Variants in ARX observed in about 807,000 individuals in gnomAD.
The protein encoded by ARX is aristaless related homeobox, also known as homeobox protein ARX.
In ARX, 1 loss-of-function variant was observed where a neutral mutation model predicts 23.1. The observed-to-expected ratio is 0.04, with a 90% CI of 0.02 to 0.21. The LOEUF (loss-of-function observed/expected upper bound fraction) is 0.21, where lower values mean the gene tolerates loss of function less well. ARX is among the 10% of genes least tolerant of loss of function. The pLI is 1.00. For synonymous variants in ARX, 301 were observed against 270.1 expected (o/e 1.11, Z -1.12); for missense variants, 380 against 527.5 (o/e 0.72, Z 2.74).
chrX:25,008,074 A>T (rs753896845), intron 3 of ARX, among the ~76,000 whole-genome samples: 1 of 112,937 alleles, frequency 8.9e-6, no homozygotes, highest in East Asian at 2.8e-4. Flanking sequence ...TTCCAGAAAC[A>T]TTTATTGAAC....
At chrX:25,012,586 C>T (rs1281626816) in intron 2 of ARX, among the ~76,000 whole-genome samples, 1 of 113,285 alleles carries the variant, frequency 8.8e-6, no homozygotes, top group Non-Finnish European at 1.9e-5. Flanking sequence ...CTCTGCTGTG[C>T]GCGCGTCTCC....
chrX:25,004,993 G>T, intron 4 of ARX, 83 bp from the exon 5 acceptor site: 1 of 1,048,773 alleles, frequency 9.5e-7, no homozygotes, highest in Non-Finnish European at 1.2e-6. Flanking sequence ...GCTTGTCGCC[G>T]GGGCAGCTGA....
chrX:25,015,673 G>T lies in ARX; in HGVS notation c.65C>A (p.Thr22Asn). 1 of 1,208,266 alleles carries T rather than the reference G, an allele frequency of 8.3e-7. No homozygotes were observed. Among genetic ancestry groups the T allele is most frequent in the Non-Finnish European group, 1.1e-6 (1 of 893,518 alleles). Reference protein sequence around the residue: ...ERPECKSKSPTLLSSYCIDSI... With the variant: ...ERPECKSKSPNLLSSYCIDSI... The stretch of plus-strand genomic sequence containing the variant: ...GTCGATGCAGTAGGAGGAGAGCAAA[G>T]TTGGAGATTTACTTTTGCACTCGGG... Residue 22 changes from threonine (T) to asparagine (N), a missense_variant, in exon 1 of 5, where the codon ACT becomes AAT. By Grantham distance (65) the Thr-to-Asn change is moderately conservative. Around this residue, in one of 3 missense-constraint regions of ARX, gnomAD observed 235 missense variants for 270.2 expected, o/e 0.87. Transcript: ENST00000379044.
chrX:25,009,546 T>C (rs1426917137), intron 3 of ARX, among the ~76,000 whole-genome samples: 1 of 111,795 alleles, frequency 8.9e-6, no homozygotes, highest in Non-Finnish European at 1.9e-5. Context: ...TTCACTCAGC[T>C]CCTAACTCGG....
rs1039346237 is a variant in ARX at position 25,003,909 on chromosome X, C to T, written c.*761G>A. The T allele has an allele frequency of 4.5e-5, 5 of 110,365 alleles. No individual in the cohort carries two copies. Among genetic ancestry groups the T allele is most frequent in the African/African-American group, 1.7e-4 (5 of 30,251 alleles). 9.1% of individuals were successfully genotyped at this position (110,365 alleles called of 1,213,427 possible). A position where few individuals can be genotyped will look rare whatever the true frequency, so the allele number is the denominator to read the frequency against. ...ACCGTATCTACAACACAGTAAGAATCTACGGGAGGACAAACTTTTACCATA... is the reference window on the plus strand; with the variant it reads ...ACCGTATCTACAACACAGTAAGAATTTACGGGAGGACAAACTTTTACCATA... On this transcript the variant is annotated 3_prime_UTR_variant, in exon 5 of 5. Transcript: ENST00000379044.
rs1383613972 is a variant in ARX, at chrX:25,004,667, C to A, written c.*3G>T. 1.7e-6 allele frequency: 2 copies of A among 1,163,940 alleles called. No homozygotes were observed. The highest frequency in any genetic ancestry group is 3.6e-5 in the African/African-American group (2 of 56,109). Reference sequence around the variant, plus strand: ...CGCGGGGCGCGGGTGTGGAGGGCAGCCTTTAGCACACCTCCTTGCCCGTGC... The same window carrying A: ...CGCGGGGCGCGGGTGTGGAGGGCAGACTTTAGCACACCTCCTTGCCCGTGC... On this transcript the variant is annotated 3_prime_UTR_variant, in exon 5 of 5. Coordinates refer to ENST00000379044, the MANE Select transcript of ARX (RefSeq NM_139058.3).
chrX:25,009,759 C>T (rs1258021085), intron 3 of ARX, among the ~76,000 whole-genome samples: 6 of 111,694 alleles, frequency 5.4e-5, no homozygotes. Context: ...TTGTGCGGGG[C>T]GGAGGGGAAA....
At chrX:25,010,663 C>T (rs2048698457) in intron 2 of ARX, among the ~76,000 whole-genome samples, 1 of 111,926 alleles carries the variant, frequency 8.9e-6, no homozygotes, top group Non-Finnish European at 1.9e-5. Context: ...ACACACACTG[C>T]TTATACCCTG....
At chrX:25,010,401 G>T in intron 2 of ARX, 96 bp from the exon 3 acceptor site, 1 of 1,038,194 alleles carries the variant, frequency 9.6e-7, no homozygotes, top group Admixed American at 2.4e-5. Context: ...CTCCACCAGG[G>T]TCTCCCCTGG....
At position 25,004,494 on chromosome X, in the gene ARX, A is replaced by ACGTCC; in HGVS notation, c.*171_*175dup. 4 of 859,845 alleles carry ACGTCC rather than the reference A, an allele frequency of 4.7e-6. No individual in the cohort carries two copies. Among genetic ancestry groups the ACGTCC allele is most frequent in the South Asian group, 2.5e-5 (1 of 39,702 alleles). 70.9% of individuals were successfully genotyped at this position (859,845 alleles called of 1,213,427 possible). A position where few individuals can be genotyped will look rare whatever the true frequency, so the allele number is the denominator to read the frequency against. On this transcript the variant is annotated 3_prime_UTR_variant, in exon 5 of 5. Transcript: ENST00000379044. ...GTGGACAGCCAGCCGAGGAGGTGCC[A>ACGTCC]CGTCCCGGAGCGCCGAGGGCTGCCA...
Position 25,010,180 on chromosome X carries a change from C to T in ARX, c.1119+80G>A, listed in dbSNP as rs2074002. ...GAAGGGGATCTCACCCCCCGCACCC[C>T]CCCGCCACCAACCCATCTCTCTCTC... On this transcript the variant is annotated intron_variant, in intron 3 of 4. Transcript: ENST00000379044. The T allele has an allele frequency of 6.2e-3, 5,723 of 922,143 alleles. 155 individuals carry two copies. In the Admixed American group the frequency reaches 0.073, roughly 12 times the overall value. 76.0% of individuals were successfully genotyped at this position (922,143 alleles called of 1,213,427 possible).
chrX:25,007,409 G>A lies in ARX; in HGVS notation c.1150C>T (p.Arg384Cys). The A allele has an allele frequency of 8.6e-7, 1 of 1,163,242 alleles. No homozygotes were observed. Among genetic ancestry groups the A allele is most frequent in the Non-Finnish European group, 1.1e-6 (1 of 876,402 alleles). ...TGCGCGCCTGCCTTCTCCCGCTTGC[G>A]CCACTTGGCCCGACGGTTCTGGAAC... is the stretch of plus-strand genomic sequence containing the variant. ...VWFQNRRAKW[R>C]KREKAGAQTH... The change falls in exon 4 of 5, where the codon CGC (arginine) becomes TGC (cysteine). Residue 384 changes from arginine to cysteine, a missense_variant. By Grantham distance (180) the Arg-to-Cys change is radical. Around this residue, in one of 3 missense-constraint regions of ARX, gnomAD observed 24 missense variants for 87.7 expected, o/e 0.27. Transcript: ENST00000379044.
chrX:25,004,571 C>G lies in ARX; in HGVS notation c.*99G>C, dbSNP rs2048668171. The G allele has an allele frequency of 8.8e-7, 1 of 1,136,536 alleles. No homozygotes were observed. The highest frequency in any genetic ancestry group is 3.3e-5 in the East Asian group (1 of 30,342). 93.7% of individuals were successfully genotyped at this position (1,136,536 alleles called of 1,213,427 possible). ...CGGCTGCGCTCTCTCAGTGCCGTCT[C>G]GGGAGTGTGCTGGTCCTCTGTTTCC... On this transcript the variant is annotated 3_prime_UTR_variant, in exon 5 of 5. Transcript: ENST00000379044.
intron 4 of ARX, among the ~76,000 whole-genome samples, chrX:25,005,549 CGGGTGA>C (rs1402814028): frequency 4.4e-5 from 5 of 112,484 alleles, no homozygotes; most frequent in Non-Finnish European, 9.4e-5. Flanking sequence ...CCAGCGCCTG[CGGGTGA>C]GAGTGAAGGG....
intron 4 of ARX, among the ~76,000 whole-genome samples, chrX:25,005,480 C>T (rs1326459430): frequency 8.9e-6 from 1 of 112,645 alleles, no homozygotes; most frequent in Non-Finnish European, 1.9e-5. Context: ...GCCGGCCTCC[C>T]GGGCCACCCG....
At chrX:25,014,856 G>C (rs1430009986) in intron 1 of ARX, among the ~76,000 whole-genome samples, 1 of 111,800 alleles carries the variant, frequency 8.9e-6, no homozygotes, top group East Asian at 2.8e-4. Flanking sequence ...GAGGATAACA[G>C]GTTCGGGGTA....
chrX:25,006,458 T>C (rs1425190406), intron 4 of ARX: 1 of 112,928 alleles, frequency 8.9e-6, no homozygotes, highest in Non-Finnish European at 1.9e-5. Flanking sequence ...TCTTTGTCTG[T>C]GTGATTATAC....
rs2048714056 is a variant in ARX at position 25,013,773 on chromosome X, C to T, written c.222G>A (p.Pro74=). The T allele has an allele frequency of 2.2e-6, 2 of 929,060 alleles. No individual in the cohort carries two copies. The highest frequency in any genetic ancestry group is 1.3e-6 in the Non-Finnish European group (1 of 750,169). 76.6% of individuals were successfully genotyped at this position (929,060 alleles called of 1,213,427 possible). The change falls in exon 2 of 5, where the codon CCG becomes CCA. Residue 74 remains proline (P), a synonymous_variant. Coordinates refer to ENST00000379044, the MANE Select transcript of ARX (RefSeq NM_139058.3). ...GCGGCAGGTGCAGCTCGGCCTCGAA[C>T]GGGGCGCTGCTGCTCTTAGGGGAGC... ...VQGSPKSSSA[P]FEAELHLPPK...
Position 25,008,328 on chromosome X carries a change from T to G in ARX, c.1120-889A>C, listed in dbSNP as rs1426330789. 6.2e-5 allele frequency among the ~76,000 whole-genome samples: 7 copies of G among 112,847 alleles called. No homozygotes were observed. In the East Asian group the frequency reaches 1.9e-3, roughly 31 times the overall value. ...CATAGAAATCAGAGGGCATGATAGG[T>G]GTAGACTTTTCACATCTTCAGAGCT... On this transcript the variant is annotated intron_variant, in intron 3 of 4. Coordinates refer to ENST00000379044, the MANE Select transcript of ARX (RefSeq NM_139058.3).
Sources: allele counts gnomAD v4.1 joint callset (sites outside exome capture counted in the v4.1 genomes callset), GRCh38; gene constraint gnomAD v4.1.1; regional missense constraint gnomAD v4.1.1; transcripts MANE v1.5; gene names NCBI Gene and HGNC (gene_info 2026-07-23, HGNC 2026-07-21).